PPP2R5E: variants seen among roughly 807,000 people sequenced by gnomAD.
PPP2R5E encodes protein phosphatase 2 regulatory subunit B'epsilon.
PPP2R5E carries 4 observed loss-of-function variants against 65.3 expected under a neutral mutation model. That is an observed-to-expected ratio of 0.06 (90% confidence interval 0.03 to 0.14). The LOEUF is 0.14. PPP2R5E is among the 10% of genes least tolerant of loss of function. The pLI is 1.00. For synonymous variants in PPP2R5E, 183 were observed against 187.4 expected, an observed-to-expected ratio of 0.98 and a Z score of 0.19; for missense variants, 274 against 556.1, an observed-to-expected ratio of 0.49 and a Z score of 5.10.
At chr14:63,440,989 ATCACCAAGGT>A (rs1888209479) in intron 3 of PPP2R5E, among the ~76,000 whole-genome samples, 1 of 150,940 alleles carries the variant, frequency 6.6e-6, no homozygotes, top group South Asian at 2.1e-4. Flanking sequence ...CTGGAACCAG[ATCACCAAGGT>A]TCAAATCTCA....
At chr14:63,433,778 C>T (rs1247765388) in intron 3 of PPP2R5E, among the ~76,000 whole-genome samples, 1 of 152,186 alleles carries the variant, frequency 6.6e-6, no homozygotes, top group Admixed American at 6.5e-5. Context: ...CTTATACAGA[C>T]TTTCCAGCGA....
intron 5 of PPP2R5E, among the ~76,000 whole-genome samples, chr14:63,404,264 GCC>G (rs528872338): frequency 1.2e-3 from 185 of 152,246 alleles, no homozygotes; most frequent in African/African-American, 4.2e-3. Flanking sequence ...GAATTACCCT[GCC>G]CTATTCCATG....
intron 13 of PPP2R5E, among the ~76,000 whole-genome samples, chr14:63,377,151 A>G (rs1335414511): frequency 6.7e-6 from 1 of 149,956 alleles, no homozygotes; most frequent in East Asian, 2.1e-4. Context: ...TCCGTCTCCA[A>G]AAAAAAATAA....
intron 3 of PPP2R5E, among the ~76,000 whole-genome samples, chr14:63,450,178 T>C (rs1470122513): frequency 6.6e-6 from 1 of 152,130 alleles, no homozygotes; most frequent in Non-Finnish European, 1.5e-5. Context: ...GCCCAGCGCC[T>C]TGTCTCTTTC....
At chr14:63,438,936 T>C (rs1888072030) in intron 3 of PPP2R5E, among the ~76,000 whole-genome samples, 1 of 151,758 alleles carries the variant, frequency 6.6e-6, no homozygotes, top group East Asian at 1.9e-4. Flanking sequence ...TATATATAAA[T>C]GTATATATAA....
chr14:63,409,236 A>G (rs1480976095), intron 5 of PPP2R5E, among the ~76,000 whole-genome samples: 1 of 151,884 alleles, frequency 6.6e-6, no homozygotes, highest in African/African-American at 2.4e-5. Flanking sequence ...CTGTCTCAAA[A>G]AAACAATCAA....
intron 2 of PPP2R5E, among the ~76,000 whole-genome samples, chr14:63,457,316 TC>T (rs1221994818): frequency 2.6e-5 from 4 of 152,084 alleles, no homozygotes; most frequent in African/African-American, 9.7e-5. Flanking sequence ...ATCCAAATAT[TC>T]TTTTTAAATA....
intron 2 of PPP2R5E, among the ~76,000 whole-genome samples, chr14:63,490,771 A>G (rs1891247943): frequency 1.3e-5 from 2 of 152,162 alleles, no homozygotes; most frequent in Admixed American, 6.5e-5. Flanking sequence ...AGGAACGCTC[A>G]TACACTGATG....
chr14:63,541,107 C>T (rs902948136), intron 1 of PPP2R5E, among the ~76,000 whole-genome samples: 5 of 152,166 alleles, frequency 3.3e-5, no homozygotes, highest in African/African-American at 1.2e-4. Flanking sequence ...ACTATCTAGG[C>T]ATAACTTTTA....
chr14:63,526,182 CAAAAT>C (rs1893177110), intron 2 of PPP2R5E, among the ~76,000 whole-genome samples: 1 of 151,964 alleles, frequency 6.6e-6, no homozygotes, highest in Admixed American at 6.6e-5. Context: ...TTCGCTGGTT[CAAAAT>C]AAAATGCTGC....
chr14:63,440,497 G>A (rs1888169233), intron 3 of PPP2R5E, among the ~76,000 whole-genome samples: 1 of 151,906 alleles, frequency 6.6e-6, no homozygotes, highest in Admixed American at 6.6e-5. Flanking sequence ...TACAGGGAAG[G>A]GCTTAAATCA....
intron 2 of PPP2R5E, among the ~76,000 whole-genome samples, chr14:63,504,314 G>C (rs989111630): frequency 6.6e-6 from 1 of 152,182 alleles, no homozygotes; most frequent in Non-Finnish European, 1.5e-5. Flanking sequence ...AGGCACGGTG[G>C]CTCACACCTG....
At chr14:63,424,518 G>A (rs748721956) in intron 3 of PPP2R5E, among the ~76,000 whole-genome samples, 1 of 152,172 alleles carries the variant, frequency 6.6e-6, no homozygotes, top group East Asian at 1.9e-4. Context: ...TTGAGAGGCC[G>A]AGGCGGGCGG....
intron 2 of PPP2R5E, among the ~76,000 whole-genome samples, chr14:63,528,729 CT>C (rs1893285206): frequency 6.6e-6 from 1 of 151,426 alleles, no homozygotes; most frequent in Non-Finnish European, 1.5e-5. Flanking sequence ...AAAAAATAAA[CT>C]GTTTAAATAT....
At chr14:63,494,982 T>C (rs1198704631) in intron 2 of PPP2R5E, among the ~76,000 whole-genome samples, 1 of 150,860 alleles carries the variant, frequency 6.6e-6, no homozygotes, top group Non-Finnish European at 1.5e-5. Flanking sequence ...GGCAGGCGGA[T>C]CACTGGATGT....
At chr14:63,465,097 G>A (rs995507378) in intron 2 of PPP2R5E, among the ~76,000 whole-genome samples, 1 of 151,238 alleles carries the variant, frequency 6.6e-6, no homozygotes, top group African/African-American at 2.4e-5. Context: ...AAGATTAAAT[G>A]AAAAATCATT....
At chr14:63,436,668 G>C (rs1039510964) in intron 3 of PPP2R5E, among the ~76,000 whole-genome samples, 9 of 152,174 alleles carry the variant, frequency 5.9e-5, no homozygotes, top group African/African-American at 1.4e-4. Flanking sequence ...TGCCACTCCA[G>C]GGGAAGACAG....
intron 13 of PPP2R5E, among the ~76,000 whole-genome samples, chr14:63,377,382 C>T (rs1884050640): frequency 6.6e-6 from 1 of 152,018 alleles, no homozygotes; most frequent in South Asian, 2.1e-4. Flanking sequence ...TTTTTTAAAA[C>T]ATTATAACCA....
At chr14:63,522,318 C>A (rs1182296970) in intron 2 of PPP2R5E, among the ~76,000 whole-genome samples, 1 of 151,888 alleles carries the variant, frequency 6.6e-6, no homozygotes, top group Non-Finnish European at 1.5e-5. Context: ...CAGCCGCCTG[C>A]CTTGGCCTCC....
Sources: gnomAD v4.1 joint callset for allele counts (sites outside exome capture counted in the v4.1 genomes callset) on GRCh38, gnomAD v4.1.1 for gene constraint, MANE v1.5 for transcripts, NCBI Gene and HGNC (gene_info 2026-07-23, HGNC 2026-07-21) for gene names.